The following KCNIP1 variants were observed in gnomAD, a reference collection of about 807,000 sequenced individuals.
KCNIP1 encodes A-type potassium channel modulatory protein KCNIP1.
Under a neutral mutation model 33.0 loss-of-function variants are expected in KCNIP1, and 18 were observed. The ratio of observed to expected loss-of-function variants is 0.55; its 90% CI spans 0.38 to 0.81. KCNIP1 has a LOEUF of 0.81. Ranked by LOEUF, KCNIP1 falls within the 30% of genes least tolerant of loss-of-function variation. The pLI is 0.00. For missense variants in KCNIP1, 238 were observed against 271.6 expected (o/e 0.88, Z 0.87); for synonymous variants, 93 against 98.3 (o/e 0.95, Z 0.32).
At chr5:170,431,763 C>T (rs558190200) in intron 1 of KCNIP1, among the ~76,000 whole-genome samples, 8 of 152,336 alleles carry the variant, frequency 5.3e-5, no homozygotes, top group Admixed American at 2.6e-4. Context: ...CAGGCATTCC[C>T]GCCAAGGCTC....
chr5:170,616,589 C>T (rs1759381430), intron 1 of KCNIP1, among the ~76,000 whole-genome samples: 1 of 152,262 alleles, frequency 6.6e-6, no homozygotes, highest in South Asian at 2.1e-4. Flanking sequence ...TGAGAGCCCA[C>T]CTCTCTCTGG....
chr5:170,435,332 G>T (rs1755837620), intron 1 of KCNIP1, among the ~76,000 whole-genome samples: 1 of 152,230 alleles, frequency 6.6e-6, no homozygotes, highest in Admixed American at 6.5e-5. Context: ...AGCTTCTGAG[G>T]TCTTTCTGGA....
intron 1 of KCNIP1, among the ~76,000 whole-genome samples, chr5:170,617,393 T>C (rs1324835597): frequency 4.6e-5 from 7 of 151,804 alleles, no homozygotes; most frequent in Non-Finnish European, 1.0e-4. Flanking sequence ...TGTCAGGTTT[T>C]GACCCCTCCA....
intron 1 of KCNIP1, among the ~76,000 whole-genome samples, chr5:170,434,938 G>C (rs370258831): frequency 1.1e-3 from 171 of 152,344 alleles, no homozygotes; most frequent in African/African-American, 4.0e-3. Context: ...CTGGGCGACA[G>C]AGCGAGACTC....
rs532542042 is a variant in KCNIP1, at chr5:170,674,151, G to A, written c.62-44607G>A. 3.5e-3 allele frequency among the ~76,000 whole-genome samples: 237 copies of A among 67,786 alleles called. 6 individuals are homozygous for A. The South Asian group carries it at 0.057, about 16-fold the overall frequency. 44.5% of individuals were successfully genotyped at this position (67,786 alleles called of 152,430 possible). A position where few individuals can be genotyped will look rare whatever the true frequency, so the allele number is the denominator to read the frequency against. On this transcript the variant is annotated intron_variant, in intron 1 of 7. Transcript: ENST00000328939. The stretch of plus-strand genomic sequence containing the variant: ...AATGAGGAAGGAAGGAAGGAAGGAA[G>A]GAAGGAAGGAAGGAAGGAAGGAAGG...
chr5:170,689,771 A>G (rs1212531755), intron 1 of KCNIP1, among the ~76,000 whole-genome samples: 3 of 152,224 alleles, frequency 2.0e-5, no homozygotes, highest in Non-Finnish European at 4.4e-5. Context: ...GGGAGCTGAG[A>G]TATGCCCTCG....
intron 1 of KCNIP1, among the ~76,000 whole-genome samples, chr5:170,407,398 C>T (rs980828249): frequency 6.6e-6 from 1 of 152,176 alleles, no homozygotes; most frequent in African/African-American, 2.4e-5. Flanking sequence ...TACTGTCTGC[C>T]TTGGCTGATA....
At chr5:170,703,768 T>G (rs1260938504) in intron 1 of KCNIP1, among the ~76,000 whole-genome samples, 1 of 138,496 alleles carries the variant, frequency 7.2e-6, no homozygotes. Context: ...TCGGGACTCT[T>G]AATATATTTT....
At chr5:170,506,827 G>T (rs1754737330) in intron 1 of KCNIP1, among the ~76,000 whole-genome samples, 2 of 152,182 alleles carry the variant, frequency 1.3e-5, no homozygotes, top group Non-Finnish European at 2.9e-5. Context: ...GGCGTGAGTT[G>T]TCCAGGGGTC....
chr5:170,675,333 T>A (rs1283948560), intron 1 of KCNIP1, among the ~76,000 whole-genome samples: 4 of 151,198 alleles, frequency 2.6e-5, no homozygotes, highest in Non-Finnish European at 4.4e-5. Context: ...TAAATAAAAA[T>A]AAATGGCCAG....
chr5:170,608,823 AT>A (rs1759034055), intron 1 of KCNIP1, among the ~76,000 whole-genome samples: 4 of 152,110 alleles, frequency 2.6e-5, no homozygotes, highest in Admixed American at 2.6e-4. Flanking sequence ...GCTCAGAGAA[AT>A]GATGGCCACA....
intron 1 of KCNIP1, among the ~76,000 whole-genome samples, chr5:170,592,919 C>G (rs779226152): frequency 4.6e-5 from 7 of 151,968 alleles, no homozygotes; most frequent in Non-Finnish European, 7.4e-5. Flanking sequence ...ATAATCTGTG[C>G]CTTCTGCTTG....
chr5:170,466,471 A>G (rs771505349), intron 1 of KCNIP1, among the ~76,000 whole-genome samples: 4 of 152,238 alleles, frequency 2.6e-5, no homozygotes, highest in Non-Finnish European at 4.4e-5. Flanking sequence ...ATTTCCAGGG[A>G]AAAAGCAGAG....
intron 1 of KCNIP1, among the ~76,000 whole-genome samples, chr5:170,487,849 A>AG (rs1352513286): frequency 6.6e-6 from 1 of 151,934 alleles, no homozygotes; most frequent in East Asian, 1.9e-4. Flanking sequence ...GCCCCAGAAA[A>AG]AAAACCCTGA....
intron 1 of KCNIP1, among the ~76,000 whole-genome samples, chr5:170,564,507 C>A (rs1245519862): frequency 6.6e-6 from 1 of 152,188 alleles, no homozygotes; most frequent in African/African-American, 2.4e-5. Context: ...ATTGCGGGGG[C>A]ACAGGAAAAA....
Position 170,534,882 on chromosome 5 carries a change from G to C in KCNIP1, c.61+30249G>C, listed in dbSNP as rs367795018. 3.3e-5 allele frequency among the ~76,000 whole-genome samples: 5 copies of C among 151,616 alleles called. No individual in the cohort carries two copies. In the East Asian group the frequency reaches 5.8e-4, roughly 18 times the overall value. Reference sequence around the variant, plus strand: ...CAGACAAGACTGACTGCCTGGCCTAGAGTTGAGGCCCGGGAGACTTGCCTC... The same window carrying C: ...CAGACAAGACTGACTGCCTGGCCTACAGTTGAGGCCCGGGAGACTTGCCTC... On this transcript the variant is annotated intron_variant, in intron 1 of 7. Coordinates refer to ENST00000328939, the MANE Select transcript of KCNIP1 (RefSeq NM_014592.4).
intron 7 of KCNIP1, among the ~76,000 whole-genome samples, chr5:170,735,465 G>T (rs1374575520): frequency 6.6e-6 from 1 of 152,116 alleles, no homozygotes; most frequent in African/African-American, 2.4e-5. Context: ...AGAATAAAAA[G>T]AGAAAAAATA....
At chr5:170,395,344 A>G (rs1340040414) in intron 1 of KCNIP1, among the ~76,000 whole-genome samples, 1 of 152,186 alleles carries the variant, frequency 6.6e-6, no homozygotes, top group Non-Finnish European at 1.5e-5. Flanking sequence ...TTCTCTGATG[A>G]TTAGTGATGC....
chr5:170,572,368 A>C (rs910465985), intron 1 of KCNIP1, among the ~76,000 whole-genome samples: 6 of 152,104 alleles, frequency 3.9e-5, no homozygotes, highest in Non-Finnish European at 8.8e-5. Context: ...TTGCAGATGG[A>C]CCCCGGTGGG....
Sources: allele counts gnomAD v4.1 joint callset (sites outside exome capture counted in the v4.1 genomes callset), GRCh38; gene constraint gnomAD v4.1.1; transcripts MANE v1.5; gene names NCBI Gene and HGNC (gene_info 2026-07-23, HGNC 2026-07-21).